The following TTC34 variants were observed in gnomAD, a reference collection of about 807,000 sequenced individuals.
TTC34 encodes tetratricopeptide repeat protein 34.
In TTC34, 44 loss-of-function variants were observed where a neutral mutation model predicts 40.7. That is an observed-to-expected ratio of 1.08 (90% CI 0.85 to 1.39). The LOEUF is 1.39. TTC34 is among the 40% of genes most tolerant of loss of function. TTC34 has a pLI of 0.00. For synonymous variants in TTC34, 422 were observed against 398.6 expected (o/e 1.06, Z -0.70); for missense variants, 884 against 838.0 (o/e 1.05, Z -0.68).
At chr1:2,695,013 G>T (rs566988765) in intron 6 of TTC34, among the ~76,000 whole-genome samples, 6 of 152,164 alleles carry the variant, frequency 3.9e-5, no homozygotes, top group Admixed American at 3.9e-4. Flanking sequence ...GGATCTGACA[G>T]CCTGGAACAG....
chr1:2,752,493 G>T (rs1477867297), intron 6 of TTC34, among the ~76,000 whole-genome samples: 1 of 64,312 alleles, frequency 1.6e-5, no homozygotes, highest in Non-Finnish European at 3.0e-5. Flanking sequence ...CACCCACACA[G>T]CCAGGTGAGC....
chr1:2,760,933 A>G lies in TTC34; in HGVS notation c.2226+22676T>C, dbSNP rs1473108081. 3.8e-5 allele frequency among the ~76,000 whole-genome samples: 2 copies of G among 52,476 alleles called. 1 individual carries two copies. Among genetic ancestry groups the G allele is most frequent in the Non-Finnish European group, 6.1e-5 (2 of 32,536 alleles). 34.4% of individuals were successfully genotyped at this position (52,476 alleles called of 152,430 possible). ...GGAGAAATGCTCACACCCCAAGGTG[A>G]GCATCTGACAGCCTGGAGCAGCGTC... On this transcript the variant is annotated intron_variant, in intron 6 of 8. Transcript: ENST00000401095.
chr1:2,656,436 G>A (rs111705970), intron 6 of TTC34, among the ~76,000 whole-genome samples: 1 of 47,816 alleles, frequency 2.1e-5, no homozygotes, highest in Non-Finnish European at 3.8e-5. Context: ...GCATCTGACA[G>A]CCTGCAACAG....
At chr1:2,684,482 G>T (rs1189850947) in intron 6 of TTC34, among the ~76,000 whole-genome samples, 5 of 149,846 alleles carry the variant, frequency 3.3e-5, no homozygotes, top group African/African-American at 1.3e-4. Context: ...CACACACCCA[G>T]GCGAGCATCT....
At chr1:2,686,255 C>G (rs1228978928) in intron 6 of TTC34, among the ~76,000 whole-genome samples, 17 of 148,654 alleles carry the variant, frequency 1.1e-4, no homozygotes, top group African/African-American at 4.4e-4. Context: ...AGGTGAGCAT[C>G]TGACAGCGTG....
At chr1:2,759,489 GCA>G (rs1641620606) in intron 6 of TTC34, among the ~76,000 whole-genome samples, 3 of 11,324 alleles carry the variant, frequency 2.6e-4, no homozygotes, top group African/African-American at 8.3e-4. Flanking sequence ...CCCCAGGTGA[GCA>G]TCGGGCAGCC....
chr1:2,750,149 G>A (rs1641267550), intron 6 of TTC34, among the ~76,000 whole-genome samples: 1 of 149,136 alleles, frequency 6.7e-6, no homozygotes, highest in Non-Finnish European at 1.5e-5. Context: ...CGACAGCGTG[G>A]AGCAGAACAA....
At chr1:2,754,980 C>A (rs1417223028) in intron 6 of TTC34, among the ~76,000 whole-genome samples, 1 of 65,056 alleles carries the variant, frequency 1.5e-5, no homozygotes, top group Non-Finnish European at 2.6e-5. Flanking sequence ...GCACCCACAC[C>A]CCCAGGCGAG....
rs1241158601 is a variant in TTC34, at chr1:2,750,814, C to A, written c.2226+32795G>T. Among the ~76,000 whole-genome samples the A allele has an allele frequency of 1.5e-4, 11 of 72,690 alleles. 1 individual carries two copies. In the East Asian group the frequency reaches 3.1e-3, roughly 21 times the overall value. 47.7% of individuals were successfully genotyped at this position (72,690 alleles called of 152,430 possible). A position where few individuals can be genotyped will look rare whatever the true frequency, so the allele number is the denominator to read the frequency against. On this transcript the variant is annotated intron_variant, in intron 6 of 8. Coordinates refer to ENST00000401095, the Ensembl canonical transcript of TTC34. Reference sequence around the variant, plus strand: ...CTGGAGCAGCGCCCACACCCCCAGGCGAGCATCTGACAGCCTGGAGCAGTA... The same window carrying A: ...CTGGAGCAGCGCCCACACCCCCAGGAGAGCATCTGACAGCCTGGAGCAGTA...
chr1:2,672,187 ACACCCCCAGG>A (rs1639723756), intron 6 of TTC34, among the ~76,000 whole-genome samples: 2 of 146,306 alleles, frequency 1.4e-5, no homozygotes, highest in Non-Finnish European at 3.0e-5. Context: ...AACAGCACCC[ACACCCCCAGG>A]TGAGCATCTG....
chr1:2,682,056 G>A (rs1306338747), intron 6 of TTC34, among the ~76,000 whole-genome samples: 16 of 73,864 alleles, frequency 2.2e-4, no homozygotes, highest in Non-Finnish European at 3.0e-4. Context: ...TTGTGGAGCA[G>A]CACCCCACAC....
At chr1:2,751,958 C>T (rs1230342601) in intron 6 of TTC34, among the ~76,000 whole-genome samples, 1 of 117,006 alleles carries the variant, frequency 8.5e-6, no homozygotes, top group South Asian at 3.0e-4. Flanking sequence ...GAGTCTGGAG[C>T]AGCGCCCACA....
intron 7 of TTC34, among the ~76,000 whole-genome samples, 199 bp from the exon 8 acceptor site, chr1:2,644,677 T>C (rs1183484137): frequency 6.6e-6 from 1 of 152,130 alleles, no homozygotes; most frequent in Non-Finnish European, 1.5e-5. Flanking sequence ...CTGACCCCAC[T>C]CCATGATGCT....
chr1:2,758,332 A>C (rs1641574220), intron 6 of TTC34, among the ~76,000 whole-genome samples: 4 of 80,080 alleles, frequency 5.0e-5, no homozygotes, highest in Non-Finnish European at 8.9e-5. Flanking sequence ...TGAGCATCTG[A>C]CAGCGTGGAA....
rs376632144 is a variant in TTC34, at chr1:2,792,006, CTTTTTT to C, written c.785-1666_785-1661del. 3.8e-3 allele frequency among the ~76,000 whole-genome samples: 149 copies of C among 39,558 alleles called. 1 individual carries two copies. Among genetic ancestry groups the C allele is most frequent in the Non-Finnish European group, 6.5e-3 (126 of 19,348 alleles). The allele number at this position is 39,558 out of a possible 152,430, so 26.0% of individuals were successfully genotyped here. On this transcript the variant is annotated intron_variant, in intron 2 of 8. Coordinates refer to ENST00000401095, the Ensembl canonical transcript of TTC34. Reference sequence around the variant, plus strand: ...TGTTCAACTCTAGACTTGCCATATGCTTTTTTTTTTTTTTTTTTTTTTTTTTTAAAG... The same window carrying C: ...TGTTCAACTCTAGACTTGCCATATGCTTTTTTTTTTTTTTTTTTTTTAAAG...
At chr1:2,675,269 G>T (rs1348364382) in intron 6 of TTC34, among the ~76,000 whole-genome samples, 1 of 136,096 alleles carries the variant, frequency 7.3e-6, no homozygotes, top group Non-Finnish European at 1.6e-5. Flanking sequence ...CAGCCTGGAA[G>T]AGCACCCCAC....
At chr1:2,688,156 G>T (rs6694473) in intron 6 of TTC34, among the ~76,000 whole-genome samples, 2,087 of 147,158 alleles carry the variant, frequency 0.014, 4 homozygotes, top group African/African-American at 0.032. Flanking sequence ...CGGCCTGGAA[G>T]GGCACCCACA....
intron 6 of TTC34, among the ~76,000 whole-genome samples, chr1:2,686,035 C>T (rs1256073191): frequency 8.7e-6 from 1 of 115,538 alleles, no homozygotes; most frequent in Non-Finnish European, 1.8e-5. Flanking sequence ...GAACAGCACC[C>T]TGCACCCCCA....
At chr1:2,651,418 C>G (rs1639130340) in intron 6 of TTC34, among the ~76,000 whole-genome samples, 1 of 152,014 alleles carries the variant, frequency 6.6e-6, no homozygotes, top group Non-Finnish European at 1.5e-5. Flanking sequence ...TTGTGACAAT[C>G]CGAAACACAA....
Sources: gnomAD v4.1 joint callset for allele counts (sites outside exome capture counted in the v4.1 genomes callset) on GRCh38, gnomAD v4.1.1 for gene constraint, MANE v1.5 for transcripts, NCBI Gene and HGNC (gene_info 2026-07-23, HGNC 2026-07-21) for gene names.